FAT1: variants seen among roughly 807,000 people sequenced by gnomAD.
FAT1 encodes the protein protocadherin Fat 1.
Under a neutral mutation model 329.8 loss-of-function variants are expected in FAT1, and 171 were observed. That is an observed-to-expected ratio of 0.52 (90% CI 0.46 to 0.59). FAT1 has a LOEUF of 0.59. Among genes scored for constraint, FAT1 ranks in the 20% least tolerant of loss-of-function variants. The pLI, the probability that FAT1 is intolerant of heterozygous loss-of-function variation, is 0.00. For missense variants in FAT1, 5,672 were observed against 5,774.4 expected, an observed-to-expected ratio of 0.98 and a Z score of 0.57; for synonymous variants, 2,233 against 2,228.6, an observed-to-expected ratio of 1.00 and a Z score of -0.06.
Position 186,613,202 on chromosome 4 carries a change from C to A in FAT1, c.9370G>T (p.Glu3124Ter). The change falls in exon 13 of 27, where the codon GAA (glutamate) becomes TAA (stop). Residue 3124 changes from glutamate to a stop codon, truncating the protein, a stop_gained. Coordinates refer to ENST00000441802, the MANE Select transcript of FAT1 (RefSeq NM_005245.4). LOFTEE classifies it high-confidence loss of function. ...ATGGCATAAGGATCGGCAGAGAATT[C>A]GGGGGCGTTATCGTTCACATCTTCT... ...TLEDVNDNAP[E>*]FSADPYAITV... 6.2e-7 allele frequency: 1 copy of A among 1,613,802 alleles called. No homozygotes were observed. The highest frequency in any genetic ancestry group is 8.5e-7 in the Non-Finnish European group (1 of 1,179,810).
At chr4:186,629,198 T>C (rs1414111767) in intron 7 of FAT1, among the ~76,000 whole-genome samples, 1 of 152,186 alleles carries the variant, frequency 6.6e-6, no homozygotes, top group Non-Finnish European at 1.5e-5. Flanking sequence ...GATTACACTA[T>C]CCAAATTTCT....
intron 9 of FAT1, among the ~76,000 whole-genome samples, chr4:186,622,220 G>T (rs1202707299): frequency 6.6e-6 from 1 of 152,240 alleles, no homozygotes; most frequent in Admixed American, 6.5e-5. Flanking sequence ...TTTCGATTCA[G>T]TAAGAAATTG....
At chr4:186,660,692 G>A (rs1188388655) in intron 3 of FAT1, among the ~76,000 whole-genome samples, 1 of 152,164 alleles carries the variant, frequency 6.6e-6, no homozygotes, top group Non-Finnish European at 1.5e-5. Context: ...AGACATCTCT[G>A]CAAACACCTT....
intron 9 of FAT1, among the ~76,000 whole-genome samples, chr4:186,622,875 A>C (rs1740115502): frequency 6.6e-6 from 1 of 152,204 alleles, no homozygotes; most frequent in African/African-American, 2.4e-5. Context: ...TACCCAAAAC[A>C]AAGCTCACTT....
chr4:186,691,928 A>T lies in FAT1; in HGVS notation c.3265+14635T>A, dbSNP rs867309286. On this transcript the variant is annotated intron_variant, in intron 2 of 26. Coordinates refer to ENST00000441802, the MANE Select transcript of FAT1 (RefSeq NM_005245.4). The stretch of plus-strand genomic sequence containing the variant: ...ACATGTATGCTTTACTGTGGCTACT[A>T]TTTTTTTTTACCTATAATAATGATT... 2.0e-5 allele frequency among the ~76,000 whole-genome samples: 3 copies of T among 148,468 alleles called. 1 individual carries two copies. Among genetic ancestry groups the T allele is most frequent in the African/African-American group, 7.8e-5 (3 of 38,358 alleles).
intron 7 of FAT1, among the ~76,000 whole-genome samples, chr4:186,631,956 C>A (rs1226672104): frequency 1.5e-5 from 2 of 132,396 alleles, no homozygotes; most frequent in East Asian, 2.6e-4. Flanking sequence ...AAACACAAAT[C>A]ATTCCCTTTG....
Position 186,621,408 on chromosome 4 carries a change from G to A in FAT1, c.5178C>T (p.Asp1726=), listed in dbSNP as rs2126524973. 2 of 1,614,012 alleles carry A rather than the reference G, an allele frequency of 1.2e-6. No homozygotes were observed. The highest frequency in any genetic ancestry group is 2.7e-5 in the African/African-American group (2 of 75,046). Reference sequence around the variant, plus strand: ...ATGTGTAAATGGGCAAAGTTTCAAAGTCCAGGGCTTTCTGAGTGATGATAG... The same window carrying A: ...ATGTGTAAATGGGCAAAGTTTCAAAATCCAGGGCTTTCTGAGTGATGATAG... ...SGTIITQKAL[D]FETLPIYTLI... The change falls in exon 10 of 27, where the codon GAC becomes GAT. Residue 1726 remains aspartate (D), a synonymous_variant. Transcript: ENST00000441802.
At chr4:186,715,111 A>G (rs548370953) in intron 1 of FAT1, among the ~76,000 whole-genome samples, 20 of 151,532 alleles carry the variant, frequency 1.3e-4, no homozygotes, top group Non-Finnish European at 2.1e-4. Flanking sequence ...CTGATGCGCC[A>G]CGCTGCTTCC....
chr4:186,612,913 C>G (rs1219128508), intron 13 of FAT1, among the ~76,000 whole-genome samples, 196 bp downstream of exon 13: 6 of 152,148 alleles, frequency 3.9e-5, no homozygotes, highest in African/African-American at 1.4e-4. Context: ...AGTAGGTTCA[C>G]TGGGCACAAC....
intron 1 of FAT1, among the ~76,000 whole-genome samples, chr4:186,718,498 C>T (rs550935051): frequency 1.3e-5 from 2 of 152,220 alleles, no homozygotes; most frequent in African/African-American, 2.4e-5. Context: ...GAAACCCCGT[C>T]TCTACTAAAA....
Position 186,603,167 on chromosome 4 carries a change from G to A in FAT1, c.11350+9C>T, listed in dbSNP as rs1387929994. The A allele has an allele frequency of 1.2e-6, 2 of 1,613,446 alleles. No homozygotes were observed. Among genetic ancestry groups the A allele is most frequent in the Non-Finnish European group, 1.7e-6 (2 of 1,179,570 alleles). On this transcript the variant is annotated intron_variant, in intron 19 of 26. Coordinates refer to ENST00000441802, the MANE Select transcript of FAT1 (RefSeq NM_005245.4). ...GTGACACCGACTTTCATACACTCAT[G>A]TGCAGTACCTTTGCAGAGACACACC...
At position 186,708,188 on chromosome 4, in the gene FAT1, T is replaced by C. The variant is rs1454354813; in HGVS notation, c.1640A>G (p.Tyr547Cys). 6.2e-7 allele frequency: 1 copy of C among 1,614,022 alleles called. No individual in the cohort carries two copies. ...RIRASDWGLP[Y>C]RREVEVLATI... ...AGCAAGGACTTCGACTTCCCGGCGG[T>C]ACGGCAAGCCCCAGTCTGATGCACG... The change falls in exon 2 of 27, where the codon TAC becomes TGC. Residue 547 changes from tyrosine (Y) to cysteine (C), a missense_variant. Transcript: ENST00000441802.
intron 3 of FAT1, among the ~76,000 whole-genome samples, chr4:186,644,089 C>T (rs1741238737): frequency 6.6e-6 from 1 of 152,160 alleles, no homozygotes; most frequent in Admixed American, 6.5e-5. Flanking sequence ...ACTAGTAAGT[C>T]ATTAACAAAG....
intron 9 of FAT1, among the ~76,000 whole-genome samples, chr4:186,622,101 A>G (rs1416309360): frequency 6.6e-6 from 1 of 152,218 alleles, no homozygotes. Context: ...TCCACAAAGC[A>G]GTTGAGTGAG....
intron 14 of FAT1, 90 bp from the exon 15 acceptor site, chr4:186,610,105 T>C (rs746243068): frequency 8.2e-5 from 61 of 742,664 alleles, no homozygotes; most frequent in Non-Finnish European, 1.2e-4. Context: ...TTTGAGTACA[T>C]TTAGTTTTCA....
Position 186,636,800 on chromosome 4 carries a change from T to C in FAT1, c.3757A>G (p.Arg1253Gly), listed in dbSNP as rs1250808909. 6.2e-7 allele frequency: 1 copy of C among 1,614,028 alleles called. No individual in the cohort carries two copies. Among genetic ancestry groups the C allele is most frequent in the Non-Finnish European group, 8.5e-7 (1 of 1,179,894 alleles). Residue 1253 changes from arginine (R) to glycine (G), a missense_variant, in exon 5 of 27, where the codon AGA becomes GGA. Arg to Gly is a moderately radical substitution (Grantham distance 125). Transcript: ENST00000441802. ...TCTGGCTTTTCCCGCTCAGGGAGTC[T>C]GATTTTGTAGAACTTTTGCAGAAAC... ...PQFLQKFYKI[R>G]LPEREKPDRE...
Position 186,665,294 on chromosome 4 carries a change from A to G in FAT1, c.3266-1681T>C, listed in dbSNP as rs1345003540. On this transcript the variant is annotated intron_variant, in intron 2 of 26. Transcript: ENST00000441802. ...CACTGTCTTCCACAATGGTTGAACT[A>G]GTTTACAGTCCCACCAACAGTGTTA... Among the ~76,000 whole-genome samples the G allele has an allele frequency of 2.6e-5, 4 of 152,294 alleles. No individual in the cohort carries two copies. In the South Asian group the frequency reaches 8.3e-4, roughly 32 times the overall value.
chr4:186,590,891 C>A (rs1738207660), intron 26 of FAT1, among the ~76,000 whole-genome samples: 1 of 152,192 alleles, frequency 6.6e-6, no homozygotes, highest in African/African-American at 2.4e-5. Flanking sequence ...TACTTAAAGA[C>A]AGATGTACAA....
At chr4:186,718,049 A>C (rs1396403247) in intron 1 of FAT1, among the ~76,000 whole-genome samples, 1 of 152,188 alleles carries the variant, frequency 6.6e-6, no homozygotes, top group African/African-American at 2.4e-5. Flanking sequence ...CAAGTTGGTA[A>C]GTAAGACTTT....
Sources: allele counts gnomAD v4.1 joint callset (sites outside exome capture counted in the v4.1 genomes callset), GRCh38; gene constraint gnomAD v4.1.1; transcripts MANE v1.5; gene names NCBI Gene and HGNC (gene_info 2026-07-23, HGNC 2026-07-21).